PTPRM: variants seen among roughly 807,000 people sequenced by gnomAD.
PTPRM encodes receptor-type tyrosine-protein phosphatase mu.
In PTPRM, 47 loss-of-function variants were observed where a neutral mutation model predicts 186.7. That is an observed-to-expected ratio of 0.25 (90% confidence interval 0.20 to 0.32). The LOEUF is 0.32. Among genes scored for constraint, PTPRM ranks in the 10% least tolerant of loss-of-function variants. The pLI, the probability that PTPRM is intolerant of heterozygous loss-of-function variation, is 1.00. For synonymous variants in PTPRM, 668 were observed against 674.9 expected, an observed-to-expected ratio of 0.99 and a Z score of 0.16; for missense variants, 1,494 against 1,865.0, an observed-to-expected ratio of 0.80 and a Z score of 3.66.
chr18:7,672,775 A>G (rs549448899), intron 1 of PTPRM, among the ~76,000 whole-genome samples: 10 of 152,342 alleles, frequency 6.6e-5, no homozygotes, highest in Admixed American at 5.9e-4. Context: ...GAGGTGAGGG[A>G]GGAAAAGAGC....
chr18:7,947,727 G>C (rs2052635361), intron 5 of PTPRM, among the ~76,000 whole-genome samples: 1 of 151,986 alleles, frequency 6.6e-6, no homozygotes, highest in Admixed American at 6.5e-5. Context: ...TTACCCTTCA[G>C]ATCTCAACTC....
At chr18:8,336,568 G>GAGAGACAGAC (rs796575861) in intron 22 of PTPRM, among the ~76,000 whole-genome samples, 1 of 146,986 alleles carries the variant, frequency 6.8e-6, no homozygotes, top group African/African-American at 2.5e-5. Context: ...AAGAAAGAAA[G>GAGAGACAGAC]AGAGACAGAC....
chr18:7,605,301 A>C (rs750357801), intron 1 of PTPRM, among the ~76,000 whole-genome samples: 2 of 152,182 alleles, frequency 1.3e-5, no homozygotes, highest in Non-Finnish European at 2.9e-5. Flanking sequence ...AGCTTGCTGG[A>C]GTATTAATAA....
intron 1 of PTPRM, among the ~76,000 whole-genome samples, chr18:7,738,419 T>G (rs1274590001): frequency 2.6e-5 from 4 of 152,028 alleles, no homozygotes; most frequent in Non-Finnish European, 5.9e-5. Context: ...CAAAATTTCA[T>G]AGCCCAGTTT....
chr18:7,896,667 A>C (rs2049376424), intron 3 of PTPRM, among the ~76,000 whole-genome samples: 1 of 152,184 alleles, frequency 6.6e-6, no homozygotes, highest in African/African-American at 2.4e-5. Context: ...TGTTAAAACA[A>C]ATGCCTTAGA....
intron 3 of PTPRM, among the ~76,000 whole-genome samples, chr18:7,901,458 C>T (rs1210313632): frequency 2.0e-5 from 3 of 152,094 alleles, no homozygotes; most frequent in African/African-American, 7.2e-5. Context: ...CCTCTGCCTC[C>T]CGAGTTCAAG....
intron 14 of PTPRM, among the ~76,000 whole-genome samples, chr18:8,240,644 AG>A: frequency 3.0e-5 from 1 of 33,266 alleles, no homozygotes; most frequent in African/African-American, 1.7e-4. Context: ...AGAGAGAGAG[AG>A]AGAGAGAGAA....
At chr18:7,642,546 G>A (rs1274784190) in intron 1 of PTPRM, among the ~76,000 whole-genome samples, 2 of 152,066 alleles carry the variant, frequency 1.3e-5, no homozygotes, top group African/African-American at 4.8e-5. Context: ...AAATCATCTG[G>A]GGAATGGAAA....
intron 7 of PTPRM, among the ~76,000 whole-genome samples, chr18:7,962,353 G>A (rs2053739117): frequency 1.3e-5 from 2 of 152,116 alleles, no homozygotes; most frequent in Admixed American, 6.6e-5. Flanking sequence ...CAACATTCCC[G>A]ACTGTGGGAA....
intron 6 of PTPRM, among the ~76,000 whole-genome samples, chr18:7,953,179 A>C (rs547408873): frequency 6.6e-6 from 1 of 152,332 alleles, no homozygotes; most frequent in East Asian, 1.9e-4. Context: ...CTCAGGAAAC[A>C]AATGCATTAA....
intron 14 of PTPRM, among the ~76,000 whole-genome samples, chr18:8,236,056 A>G (rs773504084): frequency 6.6e-6 from 1 of 152,166 alleles, no homozygotes; most frequent in Non-Finnish European, 1.5e-5. Context: ...CTGCTGGTGG[A>G]TGAAGGATTC....
At chr18:7,650,208 A>G (rs1239963748) in intron 1 of PTPRM, among the ~76,000 whole-genome samples, 2 of 152,150 alleles carry the variant, frequency 1.3e-5, no homozygotes, top group East Asian at 3.9e-4. Flanking sequence ...AGGTTTTCAT[A>G]TCTTCAAGGG....
intron 1 of PTPRM, among the ~76,000 whole-genome samples, chr18:7,760,653 C>T (rs2041726781): frequency 6.6e-6 from 1 of 152,054 alleles, no homozygotes; most frequent in Non-Finnish European, 1.5e-5. Flanking sequence ...TAGGTAAGTG[C>T]GTCCCAGGTA....
At chr18:7,680,737 C>T (rs143880971) in intron 1 of PTPRM, among the ~76,000 whole-genome samples, 23 of 152,318 alleles carry the variant, frequency 1.5e-4, no homozygotes, top group Middle Eastern at 3.4e-3. Flanking sequence ...TACTGGTTTT[C>T]GGCTTCCTGG....
chr18:7,725,623 T>C (rs1484729803), intron 1 of PTPRM, among the ~76,000 whole-genome samples: 1 of 147,466 alleles, frequency 6.8e-6, no homozygotes, highest in East Asian at 1.9e-4. Flanking sequence ...CATCGGAGAC[T>C]ATGGTTGGAT....
At chr18:7,681,700 A>G (rs1431154258) in intron 1 of PTPRM, among the ~76,000 whole-genome samples, 1 of 152,226 alleles carries the variant, frequency 6.6e-6, no homozygotes, top group East Asian at 1.9e-4. Flanking sequence ...TGCATAAGCC[A>G]CGTTGCTCAC....
chr18:7,752,359 T>A (rs994360895), intron 1 of PTPRM, among the ~76,000 whole-genome samples: 27 of 152,264 alleles, frequency 1.8e-4, no homozygotes, highest in South Asian at 8.3e-4. Flanking sequence ...ATTCTTTTTT[T>A]AAAAAAATTT....
intron 20 of PTPRM, among the ~76,000 whole-genome samples, chr18:8,301,188 T>C (rs1401038640): frequency 1.3e-5 from 2 of 152,226 alleles, no homozygotes; most frequent in African/African-American, 4.8e-5. Context: ...ATGATCACAT[T>C]CATTGTTTTT....
At chr18:7,982,626 G>A (rs1568125200) in intron 7 of PTPRM, among the ~76,000 whole-genome samples, 1 of 151,928 alleles carries the variant, frequency 6.6e-6, no homozygotes, top group Non-Finnish European at 1.5e-5. Context: ...TCATTAGCAA[G>A]TATTAGGTAC....
Sources: gnomAD v4.1 joint callset for allele counts (sites outside exome capture counted in the v4.1 genomes callset) on GRCh38, gnomAD v4.1.1 for gene constraint, MANE v1.5 for transcripts, NCBI Gene and HGNC (gene_info 2026-07-23, HGNC 2026-07-21) for gene names.